LONRF1: variants seen among roughly 807,000 people sequenced by gnomAD.
LONRF1 encodes LON peptidase N-terminal domain and RING finger protein 1.
Under a neutral mutation model 85.8 loss-of-function variants are expected in LONRF1, and 37 were observed. That is an observed-to-expected ratio of 0.43 (90% CI 0.33 to 0.57). The LOEUF is 0.57. Among genes scored for constraint, LONRF1 ranks in the 20% least tolerant of loss-of-function variants. LONRF1 has a pLI of 0.04. For synonymous variants in LONRF1, 517 were observed against 390.1 expected, an observed-to-expected ratio of 1.33 and a Z score of -3.83; for missense variants, 1,036 against 978.0, an observed-to-expected ratio of 1.06 and a Z score of -0.79.
chr8:12,728,869 A>C (rs904142011), intron 10 of LONRF1, 32 bp downstream of exon 10: 1 of 1,612,844 alleles, frequency 6.2e-7, no homozygotes. Flanking sequence ...AGGATATACG[A>C]AAGTATGCTG....
intron 1 of LONRF1, 106 bp downstream of exon 1, chr8:12,754,594 G>T: frequency 1.7e-6 from 2 of 1,156,206 alleles, no homozygotes; most frequent in Non-Finnish European, 1.1e-6. Context: ...CAGCGGCCCC[G>T]GGGAAGCAGA....
At chr8:12,733,074 G>C (rs979107532) in intron 7 of LONRF1, among the ~76,000 whole-genome samples, 4 of 152,150 alleles carry the variant, frequency 2.6e-5, no homozygotes, top group African/African-American at 9.7e-5. Flanking sequence ...GAGTCTCTGA[G>C]CATCTGGGGT....
In LONRF1 at chr8:12,754,740, G is replaced by A. The variant is rs1385216172; in HGVS notation, c.681C>T (p.Tyr227=). The change falls in exon 1 of 12, where the codon TAC becomes TAT. Residue 227 remains tyrosine, a synonymous_variant. Coordinates refer to ENST00000398246, the MANE Select transcript of LONRF1 (RefSeq NM_152271.5). ...RLGELLHQGR[Y]REALAAACEA... ...CGCAGGCGGCGGCCAGGGCCTCCCG[G>A]TAGCGCCCCTGGTGCAGTAGCTCCC... The A allele has an allele frequency of 2.8e-6, 4 of 1,430,450 alleles. No individual in the cohort carries two copies. The highest frequency in any genetic ancestry group is 3.6e-6 in the Non-Finnish European group (4 of 1,101,026). The allele number at this position is 1,430,450 out of a possible 1,614,324, so 88.6% of individuals were successfully genotyped here.
At chr8:12,748,623 G>A (rs1299308841) in intron 1 of LONRF1, among the ~76,000 whole-genome samples, 1 of 152,100 alleles carries the variant, frequency 6.6e-6, no homozygotes, top group Non-Finnish European at 1.5e-5. Context: ...ATTAAAAATA[G>A]CATCGTAATT....
rs536594161 is a variant in LONRF1 at position 12,735,157 on chromosome 8, T to C, written c.1566+129A>G. 7.8e-5 allele frequency: 50 copies of C among 637,896 alleles called. No homozygotes were observed. In the African/African-American group the frequency reaches 8.1e-4, roughly 10 times the overall value. The allele number at this position is 637,896 out of a possible 1,614,324, so 39.5% of individuals were successfully genotyped here. On this transcript the variant is annotated intron_variant, in intron 7 of 11. Transcript: ENST00000398246. ...TTAGCATATGGGTAATAAAACATTA[T>C]CCTTGTTAGTCACTCAGAATATAGA...
Position 12,729,017 on chromosome 8 carries a change from A to T in LONRF1, c.1894T>A (p.Leu632Ile), listed in dbSNP as rs1798428194. 6.2e-7 allele frequency: 1 copy of T among 1,614,068 alleles called. No individual in the cohort carries two copies. Among genetic ancestry groups the T allele is most frequent in the Non-Finnish European group, 8.5e-7 (1 of 1,179,928 alleles). The change falls in exon 10 of 12, where the codon TTA becomes ATA. Residue 632 changes from leucine (L) to isoleucine (I), a missense_variant. By Grantham distance (5) the Leu-to-Ile change is conservative. Transcript: ENST00000398246. ...CMLQIRNVHF[L>I]PDGRSVVDTV... The stretch of plus-strand genomic sequence containing the variant: ...TCAACCACAGACCTTCCGTCCGGTA[A>T]GAAATGCACGTTTCTAATTTGTAAC...
chr8:12,745,553 C>G (rs1288665349), intron 1 of LONRF1, among the ~76,000 whole-genome samples: 1 of 152,168 alleles, frequency 6.6e-6, no homozygotes, highest in African/African-American at 2.4e-5. Flanking sequence ...TTGAAAGAGT[C>G]AACAAGTATT....
Position 12,755,167 on chromosome 8 carries a change from C to T in LONRF1, c.254G>A (p.Cys85Tyr). The T allele has an allele frequency of 7.1e-7, 1 of 1,405,768 alleles. No individual in the cohort carries two copies. The highest frequency in any genetic ancestry group is 9.2e-7 in the Non-Finnish European group (1 of 1,081,986). 87.1% of individuals were successfully genotyped at this position (1,405,768 alleles called of 1,614,324 possible). Reference protein sequence around the residue: ...LRRGAPARPECLGALVDCLVF... With the variant: ...LRRGAPARPEYLGALVDCLVF... ...CAGGCAGTCCACCAGGGCGCCCAGG[C>T]ACTCGGGCCTGGCCGGGGCCCCGCG... Residue 85 changes from cysteine (C) to tyrosine (Y), a missense_variant, in exon 1 of 12, where the codon TGC (cysteine) becomes TAC (tyrosine). By Grantham distance (194) the Cys-to-Tyr change is radical. Around this residue, in one of 3 missense-constraint regions of LONRF1, gnomAD observed 742 missense variants for 614.4 expected, o/e 1.21. Coordinates refer to ENST00000398246, the MANE Select transcript of LONRF1 (RefSeq NM_152271.5).
intron 7 of LONRF1, among the ~76,000 whole-genome samples, chr8:12,734,022 A>G (rs1798627212): frequency 6.6e-6 from 1 of 152,200 alleles, no homozygotes; most frequent in East Asian, 1.9e-4. Context: ...AATAGATCTA[A>G]TATTATGCCA....
rs566638741 is a variant in LONRF1 at position 12,722,955 on chromosome 8, C to G, written c.*141G>C. On this transcript the variant is annotated 3_prime_UTR_variant, in exon 12 of 12. Coordinates refer to ENST00000398246, the MANE Select transcript of LONRF1 (RefSeq NM_152271.5). The stretch of plus-strand genomic sequence containing the variant: ...AGTTGAAGGTATTCATTTGCAGAAC[C>G]ACATGATTCAGGAGGTCGAAGGAAA... 1 of 745,752 alleles carries G rather than the reference C, an allele frequency of 1.3e-6. No homozygotes were observed. The highest frequency in any genetic ancestry group is 1.7e-5 in the African/African-American group (1 of 57,238). The allele number at this position is 745,752 out of a possible 1,614,324, so 46.2% of individuals were successfully genotyped here.
At chr8:12,742,719 C>T (rs1409329078) in intron 2 of LONRF1, among the ~76,000 whole-genome samples, 2 of 144,478 alleles carry the variant, frequency 1.4e-5, no homozygotes, top group African/African-American at 5.1e-5. Flanking sequence ...TGAGATGATA[C>T]TCCTCCACTC....
At chr8:12,743,548 A>C (rs1799023806) in intron 1 of LONRF1, among the ~76,000 whole-genome samples, 1 of 152,218 alleles carries the variant, frequency 6.6e-6, no homozygotes, top group South Asian at 2.1e-4. Flanking sequence ...TATAATATGA[A>C]TAATCACTCC....
chr8:12,730,027 T>C (rs1460067536), intron 8 of LONRF1, among the ~76,000 whole-genome samples: 2 of 152,164 alleles, frequency 1.3e-5, no homozygotes, highest in Non-Finnish European at 2.9e-5. Flanking sequence ...TGGCAGGAAA[T>C]GTTCATGTTC....
chr8:12,734,815 C>G (rs964168567), intron 7 of LONRF1, among the ~76,000 whole-genome samples: 2 of 152,102 alleles, frequency 1.3e-5, no homozygotes, highest in African/African-American at 4.8e-5. Flanking sequence ...GCTTAACAGG[C>G]AAACATGGCT....
chr8:12,734,800 T>G (rs1335895839), intron 7 of LONRF1, among the ~76,000 whole-genome samples: 1 of 152,204 alleles, frequency 6.6e-6, no homozygotes, highest in Admixed American at 6.5e-5. Context: ...TAACCATATT[T>G]AAAAGCTTAA....
At chr8:12,725,599 C>G in intron 11 of LONRF1, 128 bp downstream of exon 11, 1 of 820,064 alleles carries the variant, frequency 1.2e-6, no homozygotes, top group Admixed American at 2.5e-5. Flanking sequence ...TGAGGTGGGG[C>G]TGGTGCGGGG....
At chr8:12,738,209 A>C (rs1798796250) in intron 3 of LONRF1, 65 bp from the exon 4 acceptor site, 5 of 1,075,026 alleles carry the variant, frequency 4.7e-6, no homozygotes, top group African/African-American at 1.6e-5. Context: ...ATTTTGTATA[A>C]ATTTACCTAA....
intron 1 of LONRF1, among the ~76,000 whole-genome samples, chr8:12,744,568 A>G (rs4831360): frequency 0.28 from 42,904 of 152,068 alleles, 6,167 homozygotes; most frequent in Middle Eastern, 0.37. Flanking sequence ...AATGTTTTAC[A>G]TTATTCCTGT....
chr8:12,737,109 G>T lies in LONRF1; in HGVS notation c.1145C>A (p.Pro382His), dbSNP rs749015486. The change falls in exon 5 of 12, where the codon CCT (proline) becomes CAT (histidine). Residue 382 changes from proline (P) to histidine (H), a missense_variant. Coordinates refer to ENST00000398246, the MANE Select transcript of LONRF1 (RefSeq NM_152271.5). Reference protein sequence around the residue: ...SEEIPEVTSEPVKGSLNRAQS... With the variant: ...SEEIPEVTSEHVKGSLNRAQS... ...AGCACGGTTTAAGCTTCCTTTGACA[G>T]GCTCTGAAGTGACCTCTGGTATTTC... 1.9e-6 allele frequency: 3 copies of T among 1,612,686 alleles called. No homozygotes were observed. Among genetic ancestry groups the T allele is most frequent in the Non-Finnish European group, 2.5e-6 (3 of 1,179,432 alleles).
Sources: allele counts gnomAD v4.1 joint callset (sites outside exome capture counted in the v4.1 genomes callset), GRCh38; gene constraint gnomAD v4.1.1; regional missense constraint gnomAD v4.1.1; transcripts MANE v1.5; gene names NCBI Gene and HGNC (gene_info 2026-07-23, HGNC 2026-07-21).